The following DGKB variants were observed in gnomAD, a reference collection of about 807,000 sequenced individuals.
DGKB encodes diacylglycerol kinase beta.
Under a neutral mutation model 114.3 loss-of-function variants are expected in DGKB, and 67 were observed. That is an observed-to-expected ratio of 0.59 (90% CI 0.48 to 0.72). The LOEUF (loss-of-function observed/expected upper bound fraction) is 0.72. Among genes scored for constraint, DGKB ranks in the 30% least tolerant of loss-of-function variants. The probability of loss-of-function intolerance (pLI) is 0.00; values close to 1 mark genes in which losing one functional copy is unlikely to be tolerated. For missense variants in DGKB, 907 were observed against 975.2 expected, an observed-to-expected ratio of 0.93 and a Z score of 0.93; for synonymous variants, 398 against 323.1, an observed-to-expected ratio of 1.23 and a Z score of -2.49.
At chr7:14,598,099 T>C (rs548953540) in intron 17 of DGKB, among the ~76,000 whole-genome samples, 1 of 152,288 alleles carries the variant, frequency 6.6e-6, no homozygotes, top group Admixed American at 6.5e-5. Context: ...TATGATAGCA[T>C]TATCACTAAT....
At chr7:14,950,175 G>A (rs1031427694) in intron 1 of DGKB, among the ~76,000 whole-genome samples, 2 of 151,878 alleles carry the variant, frequency 1.3e-5, no homozygotes, top group African/African-American at 4.8e-5. Flanking sequence ...GATTACAGGA[G>A]AATCTTGAAA....
intron 2 of DGKB, among the ~76,000 whole-genome samples, chr7:14,774,134 G>A (rs1357486635): frequency 2.6e-5 from 4 of 152,130 alleles, no homozygotes; most frequent in Admixed American, 2.0e-4. Flanking sequence ...GAATGACTGG[G>A]CAGAAAAGAT....
intron 23 of DGKB, among the ~76,000 whole-genome samples, chr7:14,271,392 G>A (rs1218053961): frequency 6.6e-6 from 1 of 151,998 alleles, no homozygotes; most frequent in East Asian, 1.9e-4. Context: ...GGTCCCTGTG[G>A]CCCTGTGATT....
chr7:14,436,049 G>C (rs987588553), intron 21 of DGKB, among the ~76,000 whole-genome samples: 2 of 151,964 alleles, frequency 1.3e-5, no homozygotes, highest in East Asian at 1.9e-4. Flanking sequence ...TTTTCCCATT[G>C]TATGTGTTGG....
intron 23 of DGKB, among the ~76,000 whole-genome samples, chr7:14,335,222 G>T (rs1301714606): frequency 1.3e-5 from 2 of 152,074 alleles, no homozygotes; most frequent in Non-Finnish European, 2.9e-5. Flanking sequence ...AGGACTTAAT[G>T]CTCCAAACCT....
At position 14,574,245 on chromosome 7, in the gene DGKB, G is replaced by A. The variant is rs772951693; in HGVS notation, c.1737C>T (p.Tyr579=). Residue 579 remains tyrosine (Y), a synonymous_variant, in exon 20 of 26, where the codon TAC becomes TAT. Coordinates refer to ENST00000402815, the MANE Select transcript of DGKB (RefSeq NM_001350709.2). ...DKDEKGDPVP[Y]SIINNYFSIG... ...TGGAAAAGTAATTATTGATGATACT[G>A]TAAGGCACTGGGTCTCCTTTCTCAT... is the stretch of plus-strand genomic sequence containing the variant. 2 of 1,613,296 alleles carry A rather than the reference G, an allele frequency of 1.2e-6. No homozygotes were observed. The highest frequency in any genetic ancestry group is 8.5e-7 in the Non-Finnish European group (1 of 1,179,522).
At chr7:14,672,076 AT>A (rs1819059414) in intron 13 of DGKB, among the ~76,000 whole-genome samples, 1 of 151,974 alleles carries the variant, frequency 6.6e-6, no homozygotes, top group African/African-American at 2.4e-5. Flanking sequence ...TACAACCAGT[AT>A]TTTACAGATA....
intron 20 of DGKB, among the ~76,000 whole-genome samples, chr7:14,572,270 C>A (rs1450396629): frequency 6.7e-6 from 1 of 148,658 alleles, no homozygotes; most frequent in Non-Finnish European, 1.5e-5. Flanking sequence ...TGGCTAACCC[C>A]GTATCTACTA....
intron 13 of DGKB, among the ~76,000 whole-genome samples, chr7:14,661,435 C>G (rs1256889846): frequency 7.3e-6 from 1 of 136,526 alleles, no homozygotes; most frequent in Non-Finnish European, 1.6e-5. Context: ...ATTTATGCAG[C>G]CAAAAAACAC....
At chr7:14,199,530 G>T (rs896051732) in intron 23 of DGKB, among the ~76,000 whole-genome samples, 1 of 152,000 alleles carries the variant, frequency 6.6e-6, no homozygotes, top group Non-Finnish European at 1.5e-5. Context: ...GGACAGGACT[G>T]GGCTCACTGT....
At chr7:14,615,585 T>C (rs1806361699) in intron 15 of DGKB, among the ~76,000 whole-genome samples, 1 of 151,820 alleles carries the variant, frequency 6.6e-6, no homozygotes, top group Admixed American at 6.6e-5. Flanking sequence ...ATTAAATGTA[T>C]TAGAAAAATC....
chr7:14,556,673 CTT>C (rs1795924506), intron 20 of DGKB, among the ~76,000 whole-genome samples: 2 of 152,086 alleles, frequency 1.3e-5, no homozygotes, highest in East Asian at 1.9e-4. Flanking sequence ...CCCGTTTTGG[CTT>C]TCTTGAAATA....
intron 21 of DGKB, among the ~76,000 whole-genome samples, chr7:14,413,970 GCTAAATCCACA>G (rs1190539088): frequency 6.6e-6 from 1 of 152,062 alleles, no homozygotes; most frequent in African/African-American, 2.4e-5. Flanking sequence ...GAAGTTAAAG[GCTAAATCCACA>G]CTAAGTCCTT....
In DGKB at chr7:14,807,477, T is replaced by C. The variant is rs558594205; in HGVS notation, c.70+33717A>G. Among the ~76,000 whole-genome samples, 9 of 152,104 alleles carry C rather than the reference T, an allele frequency of 5.9e-5. No individual in the cohort carries two copies. The South Asian group carries it at 1.7e-3, about 28-fold the overall frequency. ...ATATTAAGTTGGCAGAAAATAAACA[T>C]GGTTTTTCTCCTACTCTGTCCCATG... On this transcript the variant is annotated intron_variant, in intron 2 of 25. Transcript: ENST00000402815.
intron 23 of DGKB, among the ~76,000 whole-genome samples, chr7:14,284,776 C>G (rs987843402): frequency 6.6e-6 from 1 of 150,414 alleles, no homozygotes; most frequent in Non-Finnish European, 1.5e-5. Context: ...AAACCAAACA[C>G]TGCATAATCT....
chr7:14,317,485 C>G (rs549974108), intron 23 of DGKB, among the ~76,000 whole-genome samples: 365 of 151,944 alleles, frequency 2.4e-3, no homozygotes, highest in South Asian at 4.0e-3. Context: ...TTCCTATACA[C>G]CAACCACAGA....
At chr7:14,815,617 T>A (rs1428276041) in intron 2 of DGKB, among the ~76,000 whole-genome samples, 1 of 152,232 alleles carries the variant, frequency 6.6e-6, no homozygotes, top group Non-Finnish European at 1.5e-5. Flanking sequence ...TGCCTTGTTC[T>A]CTTCTAGCCA....
rs1373524055 is a variant in DGKB at position 14,958,475 on chromosome 7, A to ACACACACACC, written c.-188+16220_-188+16221insGGTGTGTGTG. On this transcript the variant is annotated intron_variant, in intron 1 of 4. Transcript: ENST00000437998. Reference sequence around the variant, plus strand: ...CACACACACACACACACACACACACACCCCGTCCAGGAGATGTTAATAAAG... The same window carrying ACACACACACC: ...CACACACACACACACACACACACACACACACACACCCCCCGTCCAGGAGATGTTAATAAAG... Among the ~76,000 whole-genome samples, 13 of 144,380 alleles carry ACACACACACC rather than the reference A, an allele frequency of 9.0e-5. 1 individual carries two copies. The highest frequency in any genetic ancestry group is 2.2e-4 in the South Asian group (1 of 4,486). The allele number at this position is 144,380 out of a possible 152,430, so 94.7% of individuals were successfully genotyped here. A position where few individuals can be genotyped will look rare whatever the true frequency, so the allele number is the denominator to read the frequency against.
At chr7:14,206,100 G>A (rs1366423385) in intron 23 of DGKB, among the ~76,000 whole-genome samples, 1 of 151,946 alleles carries the variant, frequency 6.6e-6, no homozygotes, top group Non-Finnish European at 1.5e-5. Context: ...TGGCTTTACT[G>A]AAATGAGCTA....
Sources: gnomAD v4.1 joint callset for allele counts (sites outside exome capture counted in the v4.1 genomes callset) on GRCh38, gnomAD v4.1.1 for gene constraint, MANE v1.5 for transcripts, NCBI Gene and HGNC (gene_info 2026-07-23, HGNC 2026-07-21) for gene names.